Variants in SLC6A7 observed in about 807,000 individuals in gnomAD.
SLC6A7 encodes solute carrier family 6 member 7.
A neutral mutation model predicts 73.1 loss-of-function variants in SLC6A7; 58 were observed. The ratio of observed to expected loss-of-function variants is 0.79; its 90% CI spans 0.64 to 0.99. SLC6A7 has a LOEUF of 0.99. SLC6A7 is among the 50% of genes least tolerant of loss of function. The pLI is 0.00. For missense variants in SLC6A7, 783 were observed against 831.4 expected (o/e 0.94, Z 0.72); for synonymous variants, 338 against 338.7 (o/e 1.00, Z 0.02).
intron 1 of SLC6A7, among the ~76,000 whole-genome samples, chr5:150,192,452 C>T (rs1339809882): frequency 2.0e-5 from 3 of 152,170 alleles, no homozygotes; most frequent in Admixed American, 2.0e-4. Flanking sequence ...GAGTGGGAGG[C>T]TTACACCCAG....
In SLC6A7 at chr5:150,209,765, G is replaced by T. The variant is rs916539959; in HGVS notation, c.*150G>T. ...CAGTCCCCCAGTGGGGGTCCCTTCT[G>T]CAGCCTCTGCCTCTCCTGAAACCTC... On this transcript the variant is annotated 3_prime_UTR_variant, in exon 14 of 14. Transcript: ENST00000230671. The T allele has an allele frequency of 3.0e-6, 2 of 659,192 alleles. No homozygotes were observed. Among genetic ancestry groups the T allele is most frequent in the Non-Finnish European group, 5.5e-6 (2 of 366,260 alleles). 40.8% of individuals were successfully genotyped at this position (659,192 alleles called of 1,614,324 possible).
chr5:150,206,055 C>A (rs1021647004), intron 13 of SLC6A7, among the ~76,000 whole-genome samples: 3 of 152,142 alleles, frequency 2.0e-5, no homozygotes, highest in Non-Finnish European at 4.4e-5. Context: ...TGGTGTGAGC[C>A]CTGCCCACGC....
In SLC6A7 at chr5:150,209,426, G is replaced by T; in HGVS notation, c.1722G>T (p.Arg574=). The change falls in exon 14 of 14, where the codon CGG becomes CGT. Residue 574 remains arginine (R), a synonymous_variant. Transcript: ENST00000230671. Reference sequence around the variant, plus strand: ...TGCAGCGGCTCCAACAGGCCAGCCGGCCGGCCATGGACTGGGGACCATCGC... The same window carrying T: ...TGCAGCGGCTCCAACAGGCCAGCCGTCCGGCCATGGACTGGGGACCATCGC... The part of the protein sequence containing the change: ...SLWERLQQAS[R]PAMDWGPSLE... The T allele has an allele frequency of 6.2e-7, 1 of 1,613,684 alleles. No homozygotes were observed. The highest frequency in any genetic ancestry group is 8.5e-7 in the Non-Finnish European group (1 of 1,179,994).
Position 150,194,757 on chromosome 5 carries a change from C to T in SLC6A7, c.63C>T (p.Pro21=), listed in dbSNP as rs747153518. The change falls in exon 2 of 14, where the codon CCC becomes CCT. Residue 21 remains proline (P), a synonymous_variant. Coordinates refer to ENST00000230671, the MANE Select transcript of SLC6A7 (RefSeq NM_014228.5). The stretch of plus-strand genomic sequence containing the variant: ...TCACCCCAGACCTGCTGATGACCCC[C>T]AGTGACCAGGGCGATGTCGACCTGG... ...KPVTPDLLMT[P]SDQGDVDLDV... The T allele has an allele frequency of 5.0e-6, 8 of 1,613,984 alleles. No homozygotes were observed. The East Asian group carries it at 1.3e-4, about 27-fold the overall frequency.
chr5:150,209,343 CAG>C, intron 13 of SLC6A7, 61 bp from the exon 14 acceptor site: 1 of 1,379,808 alleles, frequency 7.2e-7, no homozygotes, highest in Non-Finnish European at 1.0e-6. Flanking sequence ...TGTCTGGCCA[CAG>C]TGAACCCTCC....
In SLC6A7 at chr5:150,190,105, C is replaced by G. The variant is rs1160851771; in HGVS notation, c.-223C>G. ...TGTCTATGCGGGCGCAGCAGTGCAC[C>G]CTTCCCCAGCCTCGGGCGCTGCGCA... On this transcript the variant is annotated 5_prime_UTR_variant, in exon 1 of 14. Coordinates refer to ENST00000230671, the MANE Select transcript of SLC6A7 (RefSeq NM_014228.5). 7 of 449,538 alleles carry G rather than the reference C, an allele frequency of 1.6e-5. No homozygotes were observed. The highest frequency in any genetic ancestry group is 1.9e-5 in the Non-Finnish European group (5 of 257,986). The allele number at this position is 449,538 out of a possible 1,614,324, so 27.8% of individuals were successfully genotyped here.
Position 150,203,941 on chromosome 5 carries a change from C to G in SLC6A7, c.1235C>G (p.Thr412Arg), listed in dbSNP as rs1266644334. 3 of 1,613,588 alleles carry G rather than the reference C, an allele frequency of 1.9e-6. No individual in the cohort carries two copies. In the South Asian group the frequency reaches 3.3e-5, roughly 18 times the overall value. ...CTGGAGACCATTGTGACAGCTGTGA[C>G]AGATGAGTTCCCATACTACCTGCGG... The part of the protein sequence containing the change: ...AFLETIVTAV[T>R]DEFPYYLRPK... The change falls in exon 10 of 14, where the codon ACA (threonine) becomes AGA (arginine). Residue 412 changes from threonine (T) to arginine (R), a missense_variant. By Grantham distance (71) the Thr-to-Arg change is moderately conservative. Coordinates refer to ENST00000230671, the MANE Select transcript of SLC6A7 (RefSeq NM_014228.5).
chr5:150,196,787 C>A lies in SLC6A7; in HGVS notation c.289C>A (p.Leu97Met), dbSNP rs1753046070. The change falls in exon 3 of 14, where the codon CTG becomes ATG. Residue 97 changes from leucine (L) to methionine (M), a missense_variant. Physicochemically the swap from Leu to Met is conservative, Grantham distance 15. Coordinates refer to ENST00000230671, the MANE Select transcript of SLC6A7 (RefSeq NM_014228.5). ...GIPLFFLELSLGQFSSLGPLA... is the reference protein window; with the variant it reads ...GIPLFFLELSMGQFSSLGPLA... ...CCCCCTCTTCTTCCTGGAGCTCTCCCTGGGCCAGTTCTCCAGCCTAGGGCC... is the reference window on the plus strand; with the variant it reads ...CCCCCTCTTCTTCCTGGAGCTCTCCATGGGCCAGTTCTCCAGCCTAGGGCC... 1 of 1,613,970 alleles carries A rather than the reference C, an allele frequency of 6.2e-7. No individual in the cohort carries two copies.
chr5:150,207,165 TG>T (rs1427106823), intron 13 of SLC6A7, among the ~76,000 whole-genome samples: 4 of 152,238 alleles, frequency 2.6e-5, no homozygotes, highest in African/African-American at 2.4e-5. Context: ...TTATTTTTTT[TG>T]TTGAGACAGA....
chr5:150,203,141 A>T (rs1172032187), intron 8 of SLC6A7, among the ~76,000 whole-genome samples: 1 of 151,922 alleles, frequency 6.6e-6, no homozygotes, highest in Non-Finnish European at 1.5e-5. Flanking sequence ...GTACGTGCAA[A>T]GGAACATGTC....
Position 150,209,476 on chromosome 5 carries a change from A to G in SLC6A7, c.1772A>G (p.Tyr591Cys), listed in dbSNP as rs746569092. 3 of 1,614,184 alleles carry G rather than the reference A, an allele frequency of 1.9e-6. No homozygotes were observed. Among genetic ancestry groups the G allele is most frequent in the Admixed American group, 1.7e-5 (1 of 60,038 alleles). Residue 591 changes from tyrosine (Y) to cysteine (C), a missense_variant, in exon 14 of 14, where the codon TAT becomes TGT. Coordinates refer to ENST00000230671, the MANE Select transcript of SLC6A7 (RefSeq NM_014228.5). ...PSLEENRTGM[Y>C]VATLAGSQSP... is the part of the protein sequence containing the mutation. ...CTGGAGGAGAACCGGACGGGCATGT[A>G]TGTGGCCACGCTGGCTGGGAGCCAG...
intron 10 of SLC6A7, 88 bp downstream of exon 10, chr5:150,204,126 G>T: frequency 7.5e-7 from 1 of 1,341,896 alleles, no homozygotes. Flanking sequence ...AGCAGTTGCT[G>T]GGCCCCCTCC....
chr5:150,206,912 C>A (rs1414921129), intron 13 of SLC6A7, among the ~76,000 whole-genome samples: 1 of 152,200 alleles, frequency 6.6e-6, no homozygotes, highest in African/African-American at 2.4e-5. Context: ...TGCCCTGCTG[C>A]CCTGCTGCCC....
At chr5:150,207,805 T>A (rs1027847126) in intron 13 of SLC6A7, among the ~76,000 whole-genome samples, 7 of 152,076 alleles carry the variant, frequency 4.6e-5, no homozygotes, top group African/African-American at 1.7e-4. Context: ...AAAGATTAAA[T>A]TAGCCAATGC....
chr5:150,206,217 A>G (rs1380891989), intron 13 of SLC6A7, among the ~76,000 whole-genome samples: 1 of 152,080 alleles, frequency 6.6e-6, no homozygotes, highest in Non-Finnish European at 1.5e-5. Context: ...TGAGGCCAGC[A>G]CTTCTGCCGC....
chr5:150,209,565 G>A lies in SLC6A7; in HGVS notation c.1861G>A (p.Ala621Thr), dbSNP rs1753866223. ...GGGCATCACCAGCTTCGAGAACACG[G>A]CCATCGAGGTGGACCGTGAGATTGC... ...YGGITSFENT[A>T]IEVDREIAEE... The change falls in exon 14 of 14, where the codon GCC (alanine) becomes ACC (threonine). Residue 621 changes from alanine to threonine, a missense_variant. By Grantham distance (58) the Ala-to-Thr change is moderately conservative. Coordinates refer to ENST00000230671, the MANE Select transcript of SLC6A7 (RefSeq NM_014228.5). 5.0e-6 allele frequency: 8 copies of A among 1,613,682 alleles called. No individual in the cohort carries two copies. The highest frequency in any genetic ancestry group is 6.8e-6 in the Non-Finnish European group (8 of 1,179,864).
At chr5:150,196,593 G>A in intron 2 of SLC6A7, 123 bp from the exon 3 acceptor site, 1 of 976,148 alleles carries the variant, frequency 1.0e-6, no homozygotes, top group Non-Finnish European at 1.5e-6. Flanking sequence ...TAGAAGAAAA[G>A]AAACCTACAG....
intron 1 of SLC6A7, among the ~76,000 whole-genome samples, chr5:150,190,569 G>C (rs1012575913): frequency 1.3e-5 from 2 of 152,212 alleles, no homozygotes; most frequent in Non-Finnish European, 2.9e-5. Context: ...TCGGGATGTA[G>C]TATGAGGGGA....
intron 1 of SLC6A7, among the ~76,000 whole-genome samples, chr5:150,191,776 TTG>T (rs1196032358): frequency 6.6e-6 from 1 of 152,066 alleles, no homozygotes; most frequent in African/African-American, 2.4e-5. Flanking sequence ...TTGAGACCAT[TTG>T]TGAGTCTCTT....
Sources: allele counts gnomAD v4.1 joint callset (sites outside exome capture counted in the v4.1 genomes callset), GRCh38; gene constraint gnomAD v4.1.1; transcripts MANE v1.5; gene names NCBI Gene and HGNC (gene_info 2026-07-23, HGNC 2026-07-21).